Variants in HOOK1 observed in about 807,000 individuals in gnomAD.
HOOK1 encodes protein Hook homolog 1.
In HOOK1, 60 loss-of-function variants were observed where a neutral mutation model predicts 112.8. The ratio of observed to expected loss-of-function variants is 0.53; its 90% CI spans 0.43 to 0.66. The LOEUF is 0.66. Ranked by LOEUF, HOOK1 falls within the 30% of genes least tolerant of loss-of-function variation. The probability of loss-of-function intolerance (pLI) is 0.00; values close to 1 mark genes in which losing one functional copy is unlikely to be tolerated. For synonymous variants in HOOK1, 294 were observed against 283.8 expected, an observed-to-expected ratio of 1.04 and a Z score of -0.36; for missense variants, 770 against 856.0, an observed-to-expected ratio of 0.90 and a Z score of 1.25.
chr1:59,825,285 C>T (rs751527744), intron 2 of HOOK1, among the ~76,000 whole-genome samples: 2 of 152,162 alleles, frequency 1.3e-5, no homozygotes, highest in Non-Finnish European at 2.9e-5. Context: ...GTAAATAGTG[C>T]GTGCCATATC....
chr1:59,849,748 G>T (rs1187732812), intron 12 of HOOK1, among the ~76,000 whole-genome samples: 1 of 151,440 alleles, frequency 6.6e-6, no homozygotes, highest in East Asian at 1.9e-4. Context: ...GGTGATTTTT[G>T]TGACTGACTC....
intron 19 of HOOK1, 54 bp downstream of exon 19, chr1:59,866,026 G>A: frequency 2.1e-6 from 2 of 959,560 alleles, no homozygotes; most frequent in Admixed American, 2.1e-5. Flanking sequence ...TTTTAGCAAG[G>A]CTCATTTCAC....
intron 20 of HOOK1, among the ~76,000 whole-genome samples, chr1:59,868,877 T>C (rs1644011804): frequency 6.6e-6 from 1 of 152,220 alleles, no homozygotes; most frequent in Admixed American, 6.5e-5. Flanking sequence ...AAAATTATAT[T>C]AGTAATGGCA....
Position 59,832,105 on chromosome 1 carries a change from C to A in HOOK1, c.223-58C>A, listed in dbSNP as rs2098394431. On this transcript the variant is annotated intron_variant, in intron 3 of 21. Coordinates refer to ENST00000371208, the MANE Select transcript of HOOK1 (RefSeq NM_015888.6). ...AAGTTTTTATTGTCTTTCATGCTGA[C>A]ATAACTTTTCTTTCATTATTAATCT... is the stretch of plus-strand genomic sequence containing the variant. 4.2e-6 allele frequency: 4 copies of A among 952,020 alleles called. No individual in the cohort carries two copies. In the Admixed American group the frequency reaches 9.8e-5, roughly 23 times the overall value. The allele number at this position is 952,020 out of a possible 1,614,324, so 59.0% of individuals were successfully genotyped here.
intron 12 of HOOK1, among the ~76,000 whole-genome samples, chr1:59,850,630 GA>G (rs554825629): frequency 1.3e-4 from 20 of 151,436 alleles, no homozygotes; most frequent in African/African-American, 3.9e-4. Flanking sequence ...TTACTACATC[GA>G]ATTATTTGGT....
chr1:59,872,464 T>A (rs1427763365), intron 21 of HOOK1, among the ~76,000 whole-genome samples: 1 of 152,208 alleles, frequency 6.6e-6, no homozygotes, highest in East Asian at 1.9e-4. Context: ...ATCTAAGCCA[T>A]TCTGTTGTGA....
rs1454364175 is a variant in HOOK1, at chr1:59,840,256, A to G, written c.538-52A>G. The G allele has an allele frequency of 5.6e-6, 7 of 1,246,514 alleles. No individual in the cohort carries two copies. In the East Asian group the frequency reaches 1.3e-4, roughly 22 times the overall value. The allele number at this position is 1,246,514 out of a possible 1,614,324, so 77.2% of individuals were successfully genotyped here. On this transcript the variant is annotated intron_variant, in intron 7 of 21. Transcript: ENST00000371208. ...GAAGAGTATATTTTTCTATTTTTCT[A>G]TATTTGTGTCAAAACACGATTTACT...
intron 14 of HOOK1, 147 bp from the exon 15 acceptor site, chr1:59,860,041 T>A: frequency 2.0e-6 from 1 of 488,026 alleles, no homozygotes; most frequent in Non-Finnish European, 3.5e-6. Flanking sequence ...AGTTTAAGAG[T>A]TTCATACCCT....
Position 59,856,572 on chromosome 1 carries a change from G to A in HOOK1, c.1243-1856G>A, listed in dbSNP as rs1480670607. The stretch of plus-strand genomic sequence containing the variant: ...TAAAATAATATAAAATTTCAAATCT[G>A]GAAATCAGACTTTTTCCATTCTTAG... On this transcript the variant is annotated intron_variant, in intron 12 of 21. Transcript: ENST00000371208. Among the ~76,000 whole-genome samples, 4 of 151,218 alleles carry A rather than the reference G, an allele frequency of 2.6e-5. 1 individual carries two copies. The East Asian group carries it at 7.8e-4, about 29-fold the overall frequency.
At chr1:59,836,343 G>A (rs1023125954) in intron 6 of HOOK1, among the ~76,000 whole-genome samples, 3 of 152,166 alleles carry the variant, frequency 2.0e-5, no homozygotes, top group African/African-American at 7.2e-5. Context: ...AGAGGGAGAC[G>A]TCATACAGGA....
chr1:59,835,209 T>C lies in HOOK1; in HGVS notation c.407-136T>C, dbSNP rs72921696. The C allele has an allele frequency of 3.0e-3, 1,937 of 636,264 alleles. 30 individuals carry two copies. The African/African-American group carries it at 0.033, about 11-fold the overall frequency. The allele number at this position is 636,264 out of a possible 1,614,324, so 39.4% of individuals were successfully genotyped here. ...TTTATCTTGGTGAGGAAGGAAGACA[T>C]ACTGGTGGACAAATAATGTATTTAC... On this transcript the variant is annotated intron_variant, in intron 5 of 21. Transcript: ENST00000371208.
intron 20 of HOOK1, among the ~76,000 whole-genome samples, chr1:59,868,873 A>G (rs1212983750): frequency 6.6e-6 from 1 of 152,200 alleles, no homozygotes; most frequent in Non-Finnish European, 1.5e-5. Context: ...ATGCAAAATT[A>G]TATTAGTAAT....
intron 5 of HOOK1, among the ~76,000 whole-genome samples, chr1:59,834,942 T>A (rs2098396502): frequency 6.6e-6 from 1 of 152,072 alleles, no homozygotes; most frequent in South Asian, 2.1e-4. Context: ...CTTAAAGTGA[T>A]TATTTTGTTG....
intron 14 of HOOK1, 75 bp downstream of exon 14, chr1:59,859,120 T>A: frequency 1.8e-6 from 1 of 557,982 alleles, no homozygotes; most frequent in Non-Finnish European, 2.8e-6. Flanking sequence ...TGTCTTGGCC[T>A]TTAAAAACTT....
rs770981270 is a variant in HOOK1, at chr1:59,828,811, A to G, written c.181A>G (p.Ser61Gly). 3.1e-6 allele frequency: 5 copies of G among 1,613,310 alleles called. No individual in the cohort carries two copies. Among genetic ancestry groups the G allele is most frequent in the Middle Eastern group, 1.6e-4 (1 of 6,080 alleles). Residue 61 changes from serine to glycine, a missense_variant, in exon 3 of 22, where the codon AGC (serine) becomes GGC (glycine). Transcript: ENST00000371208. ...DAAWFNESWL[S>G]RIKEDVGDNW... ...AGCTTGGTTTAACGAATCTTGGTTAAGCCGAATTAAAGAGGATGTTGGGGA... is the reference window on the plus strand; with the variant it reads ...AGCTTGGTTTAACGAATCTTGGTTAGGCCGAATTAAAGAGGATGTTGGGGA...
At position 59,832,147 on chromosome 1, in the gene HOOK1, A is replaced by AT. The variant is rs66623805; in HGVS notation, c.223-9dup. On this transcript the variant is annotated splice_polypyrimidine_tract_variant and intron_variant, in intron 3 of 21. Transcript: ENST00000371208. The stretch of plus-strand genomic sequence containing the variant: ...TATTAATCTGAAATAAGAATCTCTT[A>AT]TTTTTTTCACATTAGGCCAGTAATG... 7 of 1,403,630 alleles carry AT rather than the reference A, an allele frequency of 5.0e-6. No individual in the cohort carries two copies. The highest frequency in any genetic ancestry group is 1.4e-5 in the South Asian group (1 of 73,884). The allele number at this position is 1,403,630 out of a possible 1,614,324, so 86.9% of individuals were successfully genotyped here. A position where few individuals can be genotyped will look rare whatever the true frequency, so the allele number is the denominator to read the frequency against.
At chr1:59,860,018 A>T (rs2098412720) in intron 14 of HOOK1, among the ~76,000 whole-genome samples, 170 bp from the exon 15 acceptor site, 1 of 152,070 alleles carries the variant, frequency 6.6e-6, no homozygotes, top group African/African-American at 2.4e-5. Flanking sequence ...ACACTTTCAG[A>T]AGCTTTTGTT....
At chr1:59,824,294 G>A (rs1436340913) in intron 2 of HOOK1, among the ~76,000 whole-genome samples, 1 of 150,854 alleles carries the variant, frequency 6.6e-6, no homozygotes, top group Non-Finnish European at 1.5e-5. Context: ...TGCAACCTCC[G>A]CCTACCGGGT....
intron 1 of HOOK1, among the ~76,000 whole-genome samples, chr1:59,815,722 A>G (rs979253546): frequency 2.0e-5 from 3 of 152,030 alleles, no homozygotes; most frequent in African/African-American, 7.2e-5. Context: ...CCGATTTTGT[A>G]GAAGCCGCTT....
Sources: gnomAD v4.1 joint callset for allele counts (sites outside exome capture counted in the v4.1 genomes callset) on GRCh38, gnomAD v4.1.1 for gene constraint, MANE v1.5 for transcripts, NCBI Gene and HGNC (gene_info 2026-07-23, HGNC 2026-07-21) for gene names.